Variants in MFNG observed in about 807,000 individuals in gnomAD.
MFNG encodes beta-1,3-N-acetylglucosaminyltransferase manic fringe.
MFNG carries 24 observed loss-of-function variants against 34.2 expected under a neutral mutation model. That is an observed-to-expected ratio of 0.70 (90% CI 0.51 to 0.99). The LOEUF (loss-of-function observed/expected upper bound fraction) is 0.99, where lower values mean the gene tolerates loss of function less well. Ranked by LOEUF, MFNG falls within the 50% of genes least tolerant of loss-of-function variation. The pLI, the probability that MFNG is intolerant of heterozygous loss-of-function variation, is 0.00. For synonymous variants in MFNG, 158 were observed against 179.2 expected, an observed-to-expected ratio of 0.88 and a Z score of 0.94; for missense variants, 383 against 424.0, an observed-to-expected ratio of 0.90 and a Z score of 0.85.
In MFNG at chr22:37,485,960, AG is replaced by A; in HGVS notation, c.217del (p.Leu73CysfsTer75). On this transcript the variant is annotated frameshift_variant, in exon 1 of 8. Coordinates refer to ENST00000356998, the MANE Select transcript of MFNG (RefSeq NM_002405.4). LOFTEE classifies it high-confidence loss of function. The surrounding 1 kb of genome is among the most constrained non-coding windows in gnomAD (Gnocchi z 5.3). ...CCTGGAAACCCACGTGTCAAGCAGC[AG>A]CTCCAGGCGCAAGCGGTGGAAAGCC... is the stretch of plus-strand genomic sequence containing the variant. Reference protein sequence around the residue: ...TRAFHRLRLELLLDTWVSRTR... With the variant: ...TRAFHRLRLEXLLDTWVSRTR... 1.9e-6 allele frequency: 3 copies of A among 1,613,820 alleles called. No individual in the cohort carries two copies. The highest frequency in any genetic ancestry group is 1.7e-6 in the Non-Finnish European group (2 of 1,179,788).
intron 5 of MFNG, among the ~76,000 whole-genome samples, chr22:37,475,518 C>G (rs1410778599): frequency 6.6e-6 from 1 of 152,214 alleles, no homozygotes; most frequent in East Asian, 1.9e-4. Context: ...GCCACCTAAA[C>G]AGAGTCTTGC....
rs1339082960 is a variant in MFNG, at chr22:37,485,230, C to T, written c.255+693G>A. Among the ~76,000 whole-genome samples the T allele has an allele frequency of 6.6e-6, 1 of 152,132 alleles. No homozygotes were observed. Among genetic ancestry groups the T allele is most frequent in the Non-Finnish European group, 1.5e-5 (1 of 68,014 alleles). On this transcript the variant is annotated intron_variant, in intron 1 of 7. Coordinates refer to ENST00000356998, the MANE Select transcript of MFNG (RefSeq NM_002405.4). This position sits in a 1 kb window ranked among gnomAD's most constrained non-coding sequence, Gnocchi z 5.3. ...AATCCCACGTGCCAGGCAGGCCTCCCCAACCTCCGGCCCACCACTGCCTCA... is the reference window on the plus strand; with the variant it reads ...AATCCCACGTGCCAGGCAGGCCTCCTCAACCTCCGGCCCACCACTGCCTCA...
In MFNG at chr22:37,469,760, C is replaced by T. The variant is rs561885129; in HGVS notation, c.*203G>A. The T allele has an allele frequency of 4.4e-6, 3 of 688,270 alleles. No homozygotes were observed. The highest frequency in any genetic ancestry group is 8.2e-6 in the Non-Finnish European group (3 of 367,638). The allele number at this position is 688,270 out of a possible 1,614,324, so 42.6% of individuals were successfully genotyped here. A position where few individuals can be genotyped will look rare whatever the true frequency, so the allele number is the denominator to read the frequency against. ...CTGGCCACCACCTGGTCCACCTGGT[C>T]CCCTGGGCTGTCTAACTCACCTCCC... On this transcript the variant is annotated 3_prime_UTR_variant, in exon 8 of 8. Transcript: ENST00000356998.
chr22:37,480,220 G>T lies in MFNG; in HGVS notation c.384C>A (p.Asp128Glu), dbSNP rs143472050. 2.1e-4 allele frequency: 331 copies of T among 1,611,496 alleles called. No individual in the cohort carries two copies. The highest frequency in any genetic ancestry group is 2.7e-4 in the Non-Finnish European group (320 of 1,177,956). The change falls in exon 3 of 8, where the codon GAC becomes GAA. Residue 128 changes from aspartate (D) to glutamate (E), a missense_variant. Asp to Glu is a conservative substitution (Grantham distance 45). Transcript: ENST00000356998. ...ALSCKMAAEF[D>E]TFLASGLRWF... ...GCCTAAGCCCACTGGCCAAGAAGGT[G>T]TCGAACTCAGCAGCCATCTTGCAGG...
Position 37,486,006 on chromosome 22 carries a change from T to C in MFNG, c.172A>G (p.Ile58Val). 1.2e-6 allele frequency: 2 copies of C among 1,614,068 alleles called. No individual in the cohort carries two copies. The highest frequency in any genetic ancestry group is 1.7e-6 in the Non-Finnish European group (2 of 1,179,982). ...PPKLQLHDVF[I>V]AVKTTRAFHR... is the part of the protein sequence containing the mutation. ...AAAGCCCGGGTCGTCTTCACTGCAA[T>C]GAAGACATCGTGTAGCTGTAGCTTA... Residue 58 changes from isoleucine (I) to valine (V), a missense_variant, in exon 1 of 8, where the codon ATT (isoleucine) becomes GTT (valine). Ile to Val is a conservative substitution (Grantham distance 29). Coordinates refer to ENST00000356998, the MANE Select transcript of MFNG (RefSeq NM_002405.4).
At chr22:37,475,868 T>G (rs987626197) in intron 5 of MFNG, among the ~76,000 whole-genome samples, 2 of 152,206 alleles carry the variant, frequency 1.3e-5, no homozygotes, top group Admixed American at 6.5e-5. Flanking sequence ...ACACACACAG[T>G]TCTGTGGACA....
At chr22:37,470,849 TCA>T (rs1198682736) in intron 7 of MFNG, among the ~76,000 whole-genome samples, 3 of 152,156 alleles carry the variant, frequency 2.0e-5, no homozygotes, top group East Asian at 3.8e-4. Context: ...CACATTCCAG[TCA>T]CACAGTCTCC....
intron 5 of MFNG, among the ~76,000 whole-genome samples, chr22:37,476,499 A>G (rs1180923511): frequency 6.6e-6 from 1 of 151,578 alleles, no homozygotes. Context: ...TCCTCTGAAG[A>G]CCCTTAGATT....
In MFNG at chr22:37,476,978, G is replaced by A. The variant is rs762305643; in HGVS notation, c.565C>T (p.Leu189=). The A allele has an allele frequency of 1.9e-6, 3 of 1,614,006 alleles. No homozygotes were observed. In the South Asian group the frequency reaches 3.3e-5, roughly 18 times the overall value. Reference sequence around the variant, plus strand: ...CCAGTGGCAAACCAGAACTGTACCAGCCTCTGAGAGAGAGGAAGGCCAAGG... The same window carrying A: ...CCAGTGGCAAACCAGAACTGTACCAACCTCTGAGAGAGAGGAAGGCCAAGG... ...SEPQPHNRTR[L]VQFWFATGGA... is the part of the protein sequence containing the mutation. The change falls in exon 5 of 8, where the codon CTG becomes TTG. Residue 189 remains leucine (L), a synonymous_variant. Transcript: ENST00000356998.
rs760161499 is a variant in MFNG at position 37,474,633 on chromosome 22, T to C, written c.692A>G (p.Asp231Gly). 2.1e-5 allele frequency: 34 copies of C among 1,613,410 alleles called. No individual in the cohort carries two copies. Among genetic ancestry groups the C allele is most frequent in the Non-Finnish European group, 2.7e-5 (32 of 1,179,764 alleles). Residue 231 changes from aspartate (D) to glycine (G), a missense_variant, in exon 6 of 8, where the codon GAT (aspartate) becomes GGT (glycine). By Grantham distance (94) the Asp-to-Gly change is moderately conservative. Coordinates refer to ENST00000356998, the MANE Select transcript of MFNG (RefSeq NM_002405.4). ...AATGATATAGCCCATGGTGCAGTCA[T>C]CAGGCAGCCGGATGAGAGCAGATGT... ...MDTSALIRLP[D>G]DCTMGYIIEC...
intron 4 of MFNG, 106 bp downstream of exon 4, chr22:37,479,239 G>C: frequency 7.6e-7 from 1 of 1,319,792 alleles, no homozygotes; most frequent in East Asian, 2.9e-5. Flanking sequence ...GGCCAAACCT[G>C]AAACCCAGAA....
chr22:37,470,147 C>A, intron 7 of MFNG, 118 bp from the exon 8 acceptor site: 2 of 687,124 alleles, frequency 2.9e-6, no homozygotes, highest in Non-Finnish European at 5.2e-6. Flanking sequence ...TACCTCAACA[C>A]CACTAACACT....
chr22:37,481,632 T>C (rs184429961), intron 1 of MFNG, among the ~76,000 whole-genome samples: 2 of 152,246 alleles, frequency 1.3e-5, no homozygotes, highest in Admixed American at 1.3e-4. Flanking sequence ...CGGCCCAACA[T>C]GGCAGAGCTT....
chr22:37,480,669 T>TTCCC, intron 2 of MFNG, 52 bp downstream of exon 2: 1 of 1,573,274 alleles, frequency 6.4e-7, no homozygotes, highest in Non-Finnish European at 8.7e-7. Context: ...CGCCCCAGCT[T>TTCCC]TCCCAGGCAA....
rs771764696 is a variant in MFNG, at chr22:37,486,064, G to A, written c.114C>T (p.Thr38=). The A allele has an allele frequency of 6.2e-7, 1 of 1,613,806 alleles. No homozygotes were observed. The highest frequency in any genetic ancestry group is 1.7e-5 in the Admixed American group (1 of 60,004). Residue 38 remains threonine (T), a synonymous_variant, in exon 1 of 8, where the codon ACC becomes ACT. Coordinates refer to ENST00000356998, the MANE Select transcript of MFNG (RefSeq NM_002405.4). ...CCGGGTTCGGCTGGCTCAGCTCGGG[G>A]GTCCCTTGTACCCGCTGCGGGGACA... The part of the protein sequence containing the change: ...LNLSPQRVQG[T]PELSQPNPGP...
At chr22:37,471,699 C>T (rs896439351) in intron 7 of MFNG, among the ~76,000 whole-genome samples, 26 of 152,058 alleles carry the variant, frequency 1.7e-4, no homozygotes, top group African/African-American at 6.3e-4. Context: ...GGCATGGTGG[C>T]AGGCGCCTGT....
At chr22:37,471,649 G>A (rs1366176668) in intron 7 of MFNG, among the ~76,000 whole-genome samples, 1 of 152,030 alleles carries the variant, frequency 6.6e-6, no homozygotes, top group African/African-American at 2.4e-5. Flanking sequence ...TGGCCAACAT[G>A]GTGAAACCCC....
chr22:37,471,963 C>T (rs1054995380), intron 7 of MFNG, among the ~76,000 whole-genome samples: 4 of 152,074 alleles, frequency 2.6e-5, no homozygotes, highest in African/African-American at 9.7e-5. Flanking sequence ...CCCATCTCCC[C>T]GTGGCCAGTT....
rs941910187 is a variant in MFNG at position 37,469,920 on chromosome 22, C to T, written c.*43G>A. 8.6e-6 allele frequency: 13 copies of T among 1,504,340 alleles called. No homozygotes were observed. The highest frequency in any genetic ancestry group is 1.4e-5 in the African/African-American group (1 of 72,264). The allele number at this position is 1,504,340 out of a possible 1,614,324, so 93.2% of individuals were successfully genotyped here. The stretch of plus-strand genomic sequence containing the variant: ...CAGTGCCACCTTGGGAGCCAAGGCA[C>T]ACCCAGAAGTCTCTGCCCAACCTTT... On this transcript the variant is annotated 3_prime_UTR_variant, in exon 8 of 8. Coordinates refer to ENST00000356998, the MANE Select transcript of MFNG (RefSeq NM_002405.4).
Sources: gnomAD v4.1 joint callset for allele counts (sites outside exome capture counted in the v4.1 genomes callset) on GRCh38, gnomAD v4.1.1 for gene constraint, Gnocchi (gnomAD v3.1) non-coding constraint, MANE v1.5 for transcripts, NCBI Gene and HGNC (gene_info 2026-07-23, HGNC 2026-07-21) for gene names.